The following MDGA2 variants were observed in gnomAD, a reference collection of about 807,000 sequenced individuals.
MDGA2 encodes the protein MAM domain containing glycosylphosphatidylinositol anchor 2, also known as MAM domain-containing glycosylphosphatidylinositol anchor protein 2.
A neutral mutation model predicts 117.8 loss-of-function variants in MDGA2; 40 were observed. That is an observed-to-expected ratio of 0.34 (90% CI 0.26 to 0.44). The LOEUF (loss-of-function observed/expected upper bound fraction) is 0.44. Ranked by LOEUF, MDGA2 falls within the 20% of genes least tolerant of loss-of-function variation. MDGA2 has a pLI of 1.00. For synonymous variants in MDGA2, 452 were observed against 439.0 expected, an observed-to-expected ratio of 1.03 and a Z score of -0.37; for missense variants, 1,123 against 1,250.6, an observed-to-expected ratio of 0.90 and a Z score of 1.54.
At chr14:47,363,706 CAA>C (rs893303614) in intron 1 of MDGA2, among the ~76,000 whole-genome samples, 1 of 148,640 alleles carries the variant, frequency 6.7e-6, no homozygotes, top group Non-Finnish European at 1.5e-5. Flanking sequence ...AAGAAAGAGA[CAA>C]AGAGGGAAAG....
intron 1 of MDGA2, among the ~76,000 whole-genome samples, chr14:47,357,216 C>T (rs559300848): frequency 1.3e-5 from 2 of 152,278 alleles, no homozygotes; most frequent in East Asian, 1.9e-4. Context: ...TAGTCCATAA[C>T]GAAACCAACC....
At chr14:47,488,640 T>C (rs925628551) in intron 1 of MDGA2, among the ~76,000 whole-genome samples, 1 of 152,138 alleles carries the variant, frequency 6.6e-6, no homozygotes, top group African/African-American at 2.4e-5. Flanking sequence ...TTAGTTTTCA[T>C]TTTAACTGTC....
Position 47,338,072 on chromosome 14 carries a change from A to G in MDGA2, c.281-36522T>C, listed in dbSNP as rs933524455. On this transcript the variant is annotated intron_variant, in intron 1 of 16. Coordinates refer to ENST00000399232, the MANE Select transcript of MDGA2 (RefSeq NM_001113498.3). Reference sequence around the variant, plus strand: ...GAACGATTTTGTTCTGAAAGTATCTAAAAATAATCTGTATGTTTACTTTAT... The same window carrying G: ...GAACGATTTTGTTCTGAAAGTATCTGAAAATAATCTGTATGTTTACTTTAT... Among the ~76,000 whole-genome samples the G allele has an allele frequency of 2.1e-4, 32 of 152,182 alleles. 1 individual carries two copies. Among genetic ancestry groups the G allele is most frequent in the Admixed American group, 1.6e-3 (24 of 15,256 alleles).
intron 8 of MDGA2, among the ~76,000 whole-genome samples, chr14:46,991,375 C>T (rs997942687): frequency 1.3e-5 from 2 of 152,086 alleles, no homozygotes; most frequent in Admixed American, 6.6e-5. Flanking sequence ...TAAGTACTGA[C>T]TTGTCCATTC....
chr14:46,919,728 T>G lies in MDGA2; in HGVS notation c.2238+284A>C, dbSNP rs180839264. 6.6e-5 allele frequency among the ~76,000 whole-genome samples: 10 copies of G among 152,272 alleles called. 1 individual carries two copies. The highest frequency in any genetic ancestry group is 2.2e-4 in the African/African-American group (9 of 41,560). On this transcript the variant is annotated intron_variant, in intron 10 of 16. Coordinates refer to ENST00000399232, the MANE Select transcript of MDGA2 (RefSeq NM_001113498.3). ...AGTTATACCATGTAATTTATCTCTC[T>G]TATCTAGTGATGAAGGATTTTAGAA...
intron 14 of MDGA2, among the ~76,000 whole-genome samples, chr14:46,866,444 A>G (rs1286607523): frequency 6.6e-6 from 1 of 152,196 alleles, no homozygotes; most frequent in South Asian, 2.1e-4. Flanking sequence ...AAACCCTAGA[A>G]GAAAACCTAG....
At chr14:47,113,502 G>A (rs777404722) in intron 5 of MDGA2, among the ~76,000 whole-genome samples, 4 of 151,984 alleles carry the variant, frequency 2.6e-5, no homozygotes, top group Non-Finnish European at 5.9e-5. Flanking sequence ...ACATCCATGC[G>A]AATATCCTCA....
chr14:47,459,290 G>T (rs925732440), intron 1 of MDGA2, among the ~76,000 whole-genome samples: 5 of 152,056 alleles, frequency 3.3e-5, no homozygotes, highest in Non-Finnish European at 7.4e-5. Flanking sequence ...TAAGACAGTG[G>T]CCTGGTTTTC....
chr14:46,989,494 A>G (rs569478663), intron 8 of MDGA2, among the ~76,000 whole-genome samples: 1 of 152,188 alleles, frequency 6.6e-6, no homozygotes, highest in South Asian at 2.1e-4. Context: ...CTTCATGGCT[A>G]GAATTATACA....
intron 1 of MDGA2, among the ~76,000 whole-genome samples, chr14:47,305,005 ACACGATAGTAAGCATCT>A (rs1369266080): frequency 6.6e-6 from 1 of 152,112 alleles, no homozygotes; most frequent in Non-Finnish European, 1.5e-5. Flanking sequence ...CCACATTCAA[ACACGATAGTAAGCATCT>A]CAGTGCCAGA....
At chr14:47,033,907 A>G (rs538056709) in intron 8 of MDGA2, among the ~76,000 whole-genome samples, 1 of 152,342 alleles carries the variant, frequency 6.6e-6, no homozygotes, top group East Asian at 1.9e-4. Flanking sequence ...AATATGAAAT[A>G]GTTCATTCAT....
At chr14:47,287,099 A>G (rs1312568634) in intron 2 of MDGA2, among the ~76,000 whole-genome samples, 2 of 151,998 alleles carry the variant, frequency 1.3e-5, no homozygotes, top group Non-Finnish European at 2.9e-5. Context: ...AAGAGAGGTT[A>G]AATAAATTAA....
At chr14:47,058,875 T>C in intron 7 of MDGA2, 1 of 986,252 alleles carries the variant, frequency 1.0e-6, no homozygotes, top group Non-Finnish European at 1.2e-6. Context: ...GTAGCCACAC[T>C]TAGAACAGCC....
At chr14:47,390,842 T>G (rs1054968260) in intron 1 of MDGA2, among the ~76,000 whole-genome samples, 1 of 152,112 alleles carries the variant, frequency 6.6e-6, no homozygotes, top group African/African-American at 2.4e-5. Flanking sequence ...TCTCCTGGAA[T>G]TTTTCCTATT....
At chr14:46,918,734 A>G (rs1342719339) in intron 10 of MDGA2, among the ~76,000 whole-genome samples, 1 of 149,460 alleles carries the variant, frequency 6.7e-6, no homozygotes. Context: ...AACAGGGTGA[A>G]TAAGAATATG....
At chr14:47,187,474 G>C (rs1023939923) in intron 3 of MDGA2, among the ~76,000 whole-genome samples, 1 of 151,936 alleles carries the variant, frequency 6.6e-6, no homozygotes, top group Non-Finnish European at 1.5e-5. Context: ...AAAATTCATT[G>C]AAATTTTTAA....
At chr14:47,433,952 C>A (rs1892848244) in intron 1 of MDGA2, among the ~76,000 whole-genome samples, 1 of 152,030 alleles carries the variant, frequency 6.6e-6, no homozygotes, top group Admixed American at 6.6e-5. Flanking sequence ...GTGGACATAT[C>A]TGATATTAGC....
At chr14:46,874,420 A>C (rs1882142801) in intron 12 of MDGA2, among the ~76,000 whole-genome samples, 1 of 151,858 alleles carries the variant, frequency 6.6e-6, no homozygotes, top group Non-Finnish European at 1.5e-5. Context: ...TATCTTATTG[A>C]ATAATTAAGA....
At chr14:46,921,337 T>C (rs1884121490) in intron 9 of MDGA2, among the ~76,000 whole-genome samples, 1 of 151,996 alleles carries the variant, frequency 6.6e-6, no homozygotes, top group South Asian at 2.1e-4. Context: ...GTAGGGCTCG[T>C]GCCTATAATC....
Sources: allele counts gnomAD v4.1 joint callset (sites outside exome capture counted in the v4.1 genomes callset), GRCh38; gene constraint gnomAD v4.1.1; transcripts MANE v1.5; gene names NCBI Gene and HGNC (gene_info 2026-07-23, HGNC 2026-07-21).